Variants in TAF2 observed in about 807,000 individuals in gnomAD.
The protein encoded by TAF2 is transcription initiation factor TFIID subunit 2.
A neutral mutation model predicts 138.5 loss-of-function variants in TAF2; 61 were observed. The ratio of observed to expected loss-of-function variants is 0.44; its 90% confidence interval spans 0.36 to 0.54. TAF2 has a LOEUF of 0.54. Among genes scored for constraint, TAF2 ranks in the 20% least tolerant of loss-of-function variants. The pLI is 0.00. For synonymous variants in TAF2, 475 were observed against 469.9 expected (o/e 1.01, Z -0.14); for missense variants, 1,090 against 1,427.9 (o/e 0.76, Z 3.81).
chr8:119,750,596 T>C (rs941162098), intron 22 of TAF2, among the ~76,000 whole-genome samples: 4 of 152,204 alleles, frequency 2.6e-5, no homozygotes, highest in African/African-American at 9.7e-5. Flanking sequence ...TGTGTGTATA[T>C]ATATATAATT....
At chr8:119,760,801 T>C (rs1383868541) in intron 19 of TAF2, 63 bp from the exon 20 acceptor site, 10 of 1,604,456 alleles carry the variant, frequency 6.2e-6, no homozygotes, top group East Asian at 4.5e-5. Context: ...GTTTGTTTCC[T>C]AGGCATTAGA....
intron 14 of TAF2, among the ~76,000 whole-genome samples, chr8:119,786,659 C>T (rs558004681): frequency 2.0e-5 from 3 of 152,274 alleles, no homozygotes; most frequent in South Asian, 2.1e-4. Flanking sequence ...TGGTAGCTCA[C>T]GCCTGTAATC....
chr8:119,780,301 G>C (rs923612555), intron 17 of TAF2, among the ~76,000 whole-genome samples: 2 of 152,076 alleles, frequency 1.3e-5, no homozygotes. Flanking sequence ...TATAAGCATA[G>C]CATAAAACAC....
At chr8:119,803,583 T>C (rs1824411359) in intron 5 of TAF2, among the ~76,000 whole-genome samples, 1 of 151,896 alleles carries the variant, frequency 6.6e-6, no homozygotes, top group African/African-American at 2.4e-5. Context: ...TACCAGCTAC[T>C]TGGGAGGCTG....
chr8:119,760,380 T>C (rs1309727040), intron 20 of TAF2: 5 of 484,908 alleles, frequency 1.0e-5, no homozygotes, highest in Non-Finnish European at 1.8e-5. Flanking sequence ...ACTGACTTCT[T>C]GGAAAGGCTA....
intron 18 of TAF2, among the ~76,000 whole-genome samples, chr8:119,771,638 A>G (rs1483685938): frequency 2.6e-5 from 4 of 152,234 alleles, no homozygotes; most frequent in African/African-American, 9.6e-5. Context: ...GAAGTTTAAA[A>G]CAAAACCAAG....
intron 22 of TAF2, among the ~76,000 whole-genome samples, chr8:119,754,217 C>G (rs1009490747): frequency 1.3e-5 from 2 of 151,898 alleles, no homozygotes; most frequent in Non-Finnish European, 2.9e-5. Context: ...AACAGAAAAA[C>G]AGAAGTTATA....
At chr8:119,769,163 C>G (rs1371499959) in intron 18 of TAF2, among the ~76,000 whole-genome samples, 4 of 152,168 alleles carry the variant, frequency 2.6e-5, no homozygotes, top group African/African-American at 9.7e-5. Context: ...CTGGCTCTTA[C>G]CTGGAAGCAC....
chr8:119,819,202 A>G, intron 3 of TAF2, 144 bp downstream of exon 3: 2 of 817,538 alleles, frequency 2.4e-6, no homozygotes, highest in Non-Finnish European at 3.9e-6. Context: ...AACCAAATGT[A>G]CAGAGTGGTA....
At chr8:119,794,434 C>T (rs1385412620) in intron 9 of TAF2, among the ~76,000 whole-genome samples, 2 of 151,102 alleles carry the variant, frequency 1.3e-5, no homozygotes, top group Non-Finnish European at 2.9e-5. Flanking sequence ...AAAGACACTA[C>T]CACAATTGTG....
At chr8:119,757,873 G>A (rs1200688588) in intron 21 of TAF2, among the ~76,000 whole-genome samples, 200 bp downstream of exon 21, 2 of 151,752 alleles carry the variant, frequency 1.3e-5, no homozygotes, top group African/African-American at 4.8e-5. Flanking sequence ...TCCAGCCTGG[G>A]CCACAGAGTG....
Position 119,783,396 on chromosome 8 carries a change from G to A in TAF2, c.2097C>T (p.Cys699=). The change falls in exon 16 of 26, where the codon TGC becomes TGT. Residue 699 remains cysteine, a synonymous_variant. Coordinates refer to ENST00000378164, the MANE Select transcript of TAF2 (RefSeq NM_003184.4). The part of the protein sequence containing the change: ...QCFYRVRMSA[C]FCLAKIANSM... ...ATAATCTCACCTTTGCAAGACAGAA[G>A]CAAGCTGACATTCTTACTCTGTAGA... is the stretch of plus-strand genomic sequence containing the variant. The A allele has an allele frequency of 6.2e-7, 1 of 1,614,042 alleles. No individual in the cohort carries two copies. Among genetic ancestry groups the A allele is most frequent in the Non-Finnish European group, 8.5e-7 (1 of 1,180,010 alleles).
Position 119,731,836 on chromosome 8 carries a change from C to A in TAF2, c.*88G>T. 1.5e-6 allele frequency: 2 copies of A among 1,308,650 alleles called. No homozygotes were observed. Among genetic ancestry groups the A allele is most frequent in the Non-Finnish European group, 1.1e-6 (1 of 905,092 alleles). The allele number at this position is 1,308,650 out of a possible 1,614,324, so 81.1% of individuals were successfully genotyped here. On this transcript the variant is annotated 3_prime_UTR_variant, in exon 26 of 26. Transcript: ENST00000378164. ...TGTAGGAGAGGCGAATCCTTTCCCCCCTCCCTTTTATAATTCTTCACAGAG... is the reference window on the plus strand; with the variant it reads ...TGTAGGAGAGGCGAATCCTTTCCCCACTCCCTTTTATAATTCTTCACAGAG...
chr8:119,826,989 T>C (rs750573713), intron 2 of TAF2, among the ~76,000 whole-genome samples: 3 of 151,850 alleles, frequency 2.0e-5, no homozygotes, highest in African/African-American at 4.8e-5. Flanking sequence ...AGCCCAGGAG[T>C]TTGAGACCAG....
At chr8:119,823,936 T>C (rs1054516588) in intron 2 of TAF2, among the ~76,000 whole-genome samples, 6 of 152,188 alleles carry the variant, frequency 3.9e-5, no homozygotes, top group Non-Finnish European at 7.3e-5. Flanking sequence ...TGTTTTCGCA[T>C]AGAGACTGGC....
chr8:119,826,882 A>C (rs892936517), intron 2 of TAF2, among the ~76,000 whole-genome samples: 1 of 151,128 alleles, frequency 6.6e-6, no homozygotes, highest in African/African-American at 2.4e-5. Flanking sequence ...CACCACACCC[A>C]GCCTCCTCCT....
At chr8:119,737,280 C>T (rs895972249) in intron 25 of TAF2, among the ~76,000 whole-genome samples, 13 of 151,998 alleles carry the variant, frequency 8.6e-5, no homozygotes, top group Non-Finnish European at 1.5e-4. Context: ...GTGGTTATGA[C>T]TTTTTAATGT....
intron 7 of TAF2, among the ~76,000 whole-genome samples, chr8:119,797,409 C>T (rs57423283): frequency 0.1 from 15,204 of 151,910 alleles, 1,139 homozygotes; most frequent in African/African-American, 0.21. Flanking sequence ...TTTATGAACA[C>T]AAGACTAAAA....
At chr8:119,773,765 A>G (rs999156873) in intron 18 of TAF2, among the ~76,000 whole-genome samples, 2 of 151,568 alleles carry the variant, frequency 1.3e-5, no homozygotes, top group Admixed American at 1.4e-4. Flanking sequence ...CTCTAGATTC[A>G]ACCTTTCCCA....
Sources: gnomAD v4.1 joint callset for allele counts (sites outside exome capture counted in the v4.1 genomes callset) on GRCh38, gnomAD v4.1.1 for gene constraint, MANE v1.5 for transcripts, NCBI Gene and HGNC (gene_info 2026-07-23, HGNC 2026-07-21) for gene names.